Variants in TMCC1 observed in about 807,000 individuals in gnomAD.
The protein encoded by TMCC1 is transmembrane and coiled-coil domain family 1, also known as transmembrane and coiled-coil domains protein 1.
Under a neutral mutation model 52.4 loss-of-function variants are expected in TMCC1, and 15 were observed. The ratio of observed to expected loss-of-function variants is 0.29; its 90% CI spans 0.19 to 0.44. TMCC1 has a LOEUF of 0.44. TMCC1 is among the 20% of genes least tolerant of loss of function. The pLI is 1.00. For missense variants in TMCC1, 503 were observed against 806.0 expected (o/e 0.62, Z 4.55); for synonymous variants, 279 against 301.9 (o/e 0.92, Z 0.79).
chr3:129,824,624 G>A (rs747514361), intron 4 of TMCC1, among the ~76,000 whole-genome samples: 56 of 152,032 alleles, frequency 3.7e-4, no homozygotes, highest in Non-Finnish European at 7.4e-4. Flanking sequence ...AAACCTGTAA[G>A]TTACTTGCTT....
chr3:129,688,913 A>C (rs1032152231), intron 4 of TMCC1, among the ~76,000 whole-genome samples: 1 of 152,250 alleles, frequency 6.6e-6, no homozygotes, highest in Non-Finnish European at 1.5e-5. Context: ...GAATCGCTTA[A>C]AGAAGATTAA....
At chr3:129,701,870 C>T (rs570413376) in intron 4 of TMCC1, among the ~76,000 whole-genome samples, 156 of 152,116 alleles carry the variant, frequency 1.0e-3, no homozygotes, top group African/African-American at 3.3e-3. Context: ...CAAAGATGGG[C>T]CAGGTAATTT....
intron 2 of TMCC1, among the ~76,000 whole-genome samples, chr3:129,874,533 C>T (rs1039923017): frequency 2.0e-5 from 3 of 151,986 alleles, no homozygotes; most frequent in African/African-American, 7.3e-5. Context: ...CATAGCAACA[C>T]CCTATCTCTG....
intron 5 of TMCC1, among the ~76,000 whole-genome samples, chr3:129,661,375 G>C (rs890496019): frequency 3.9e-5 from 6 of 151,946 alleles, no homozygotes; most frequent in African/African-American, 1.5e-4. Context: ...GCAGTGAGCC[G>C]AGACTGTGTC....
chr3:129,795,615 T>C (rs1355185975), intron 4 of TMCC1, among the ~76,000 whole-genome samples: 1 of 152,246 alleles, frequency 6.6e-6, no homozygotes, highest in African/African-American at 2.4e-5. Context: ...AACAACCTTA[T>C]AAAATTTGTA....
In TMCC1 at chr3:129,712,780, T is replaced by C. The variant is rs935495674; in HGVS notation, c.577-41516A>G. Among the ~76,000 whole-genome samples, 6 of 152,256 alleles carry C rather than the reference T, an allele frequency of 3.9e-5. No homozygotes were observed. In the East Asian group the frequency reaches 1.2e-3, roughly 29 times the overall value. ...TTTATTTTTAAAACCAATCTTTATA[T>C]GTCTGTATGGGTATCATCTGAGTAT... On this transcript the variant is annotated intron_variant, in intron 4 of 6. Transcript: ENST00000393238.
chr3:129,679,024 C>A (rs2088725297), intron 4 of TMCC1, among the ~76,000 whole-genome samples: 1 of 151,878 alleles, frequency 6.6e-6, no homozygotes, highest in Non-Finnish European at 1.5e-5. Context: ...AAAGTTCTTA[C>A]AATGGCCATG....
intron 4 of TMCC1, among the ~76,000 whole-genome samples, chr3:129,674,527 G>C (rs1333077066): frequency 1.3e-5 from 2 of 152,074 alleles, no homozygotes; most frequent in East Asian, 3.8e-4. Context: ...GAGAATGATG[G>C]AGTGAAAGAA....
Position 129,670,633 on chromosome 3 carries a change from T to C in TMCC1, c.1208A>G (p.Lys403Arg). The change falls in exon 5 of 7, where the codon AAG (lysine) becomes AGG (arginine). Residue 403 changes from lysine (K) to arginine (R), a missense_variant. Lys to Arg is a conservative substitution (Grantham distance 26). Coordinates refer to ENST00000393238, the MANE Select transcript of TMCC1 (RefSeq NM_001017395.5). ...LEEGQVDDAGKALGVISNFQS... is the reference protein window; with the variant it reads ...LEEGQVDDAGRALGVISNFQS... ...AAAGTTTGAAATCACTCCCAAAGCC[T>C]TCCCCGCATCATCCACTTGCCCTTC... The C allele has an allele frequency of 6.2e-7, 1 of 1,614,238 alleles. No homozygotes were observed. Among genetic ancestry groups the C allele is most frequent in the Non-Finnish European group, 8.5e-7 (1 of 1,180,032 alleles).
At chr3:129,655,162 T>C in intron 5 of TMCC1, 59 bp from the exon 6 acceptor site, 1 of 1,582,318 alleles carries the variant, frequency 6.3e-7, no homozygotes, top group East Asian at 2.2e-5. Flanking sequence ...TTCCTGGCAT[T>C]ATTTACATCC....
Position 129,845,214 on chromosome 3 carries a change from AC to A in TMCC1, c.-183-12389del, listed in dbSNP as rs1431581389. Among the ~76,000 whole-genome samples, 4 of 151,746 alleles carry A rather than the reference AC, an allele frequency of 2.6e-5. 1 individual carries two copies. The highest frequency in any genetic ancestry group is 6.3e-3 in the Middle Eastern group (2 of 316). ...CTCACACACACACACACACACACAC[AC>A]ACACAATGCTAGAACTACTTCCATA... On this transcript the variant is annotated intron_variant, in intron 2 of 6. Transcript: ENST00000393238.
chr3:129,675,594 C>G (rs1332949348), intron 4 of TMCC1, among the ~76,000 whole-genome samples: 1 of 152,102 alleles, frequency 6.6e-6, no homozygotes, highest in Non-Finnish European at 1.5e-5. Flanking sequence ...CAAGATCTTT[C>G]CACATTTCAG....
intron 4 of TMCC1, among the ~76,000 whole-genome samples, chr3:129,729,686 C>T (rs2050390375): frequency 6.6e-6 from 1 of 152,098 alleles, no homozygotes; most frequent in Non-Finnish European, 1.5e-5. Flanking sequence ...GAAAATATTG[C>T]AAGTTGAAAG....
chr3:129,791,957 G>A (rs2056496001), intron 4 of TMCC1, among the ~76,000 whole-genome samples: 1 of 152,000 alleles, frequency 6.6e-6, no homozygotes, highest in African/African-American at 2.4e-5. Context: ...TGGGTATTAG[G>A]CTTAAAATTA....
intron 4 of TMCC1, among the ~76,000 whole-genome samples, chr3:129,717,209 G>A (rs907257663): frequency 6.6e-6 from 1 of 151,928 alleles, no homozygotes; most frequent in Non-Finnish European, 1.5e-5. Flanking sequence ...TTATCTCATC[G>A]GTCTACTAAA....
Position 129,670,671 on chromosome 3 carries a change from C to T in TMCC1, c.1170G>A (p.Lys390=), listed in dbSNP as rs371682815. The T allele has an allele frequency of 7.4e-6, 12 of 1,614,072 alleles. No homozygotes were observed. In the African/African-American group the frequency reaches 1.1e-4, roughly 14 times the overall value. ...FGSADNIPNL[K]DSLEEGQVDD... is the part of the protein sequence containing the mutation. ...CCACTTGCCCTTCCTCTAAAGAGTC[C>T]TTCAGGTTGGGGATGTTGTCTGCAC... is the stretch of plus-strand genomic sequence containing the variant. The change falls in exon 5 of 7, where the codon AAG becomes AAA. Residue 390 remains lysine, a synonymous_variant. Coordinates refer to ENST00000393238, the MANE Select transcript of TMCC1 (RefSeq NM_001017395.5).
intron 2 of TMCC1, among the ~76,000 whole-genome samples, chr3:129,840,732 T>C (rs2059388661): frequency 6.6e-6 from 1 of 152,220 alleles, no homozygotes. Flanking sequence ...ATGTAAGACA[T>C]GCCTTTCTTC....
chr3:129,799,771 C>T (rs1031481666), intron 4 of TMCC1, among the ~76,000 whole-genome samples: 6 of 152,170 alleles, frequency 3.9e-5, no homozygotes, highest in African/African-American at 2.4e-5. Flanking sequence ...GAGATCATGC[C>T]ACTGCACTCC....
intron 4 of TMCC1, among the ~76,000 whole-genome samples, chr3:129,787,209 T>C (rs72985375): frequency 0.097 from 14,750 of 152,210 alleles, 845 homozygotes; most frequent in Middle Eastern, 0.16. Context: ...CAAAGTCACA[T>C]AGCCATGATT....
Sources: gnomAD v4.1 joint callset for allele counts (sites outside exome capture counted in the v4.1 genomes callset) on GRCh38, gnomAD v4.1.1 for gene constraint, MANE v1.5 for transcripts, NCBI Gene and HGNC (gene_info 2026-07-23, HGNC 2026-07-21) for gene names.